RALGPS2: variants seen among roughly 807,000 people sequenced by gnomAD.
RALGPS2 encodes Ral GEF with PH domain and SH3 binding motif 2.
A neutral mutation model predicts 86.8 loss-of-function variants in RALGPS2; 43 were observed. The observed-to-expected ratio is 0.50, with a 90% CI of 0.39 to 0.64. RALGPS2 has a LOEUF of 0.64. RALGPS2 is among the 30% of genes least tolerant of loss of function. The pLI, the probability that RALGPS2 is intolerant of heterozygous loss-of-function variation, is 0.00. For missense variants in RALGPS2, 536 were observed against 694.6 expected (o/e 0.77, Z 2.57); for synonymous variants, 243 against 231.3 (o/e 1.05, Z -0.46).
chr1:178,874,155 AT>A, intron 8 of RALGPS2, among the ~76,000 whole-genome samples: 1 of 152,240 alleles, frequency 6.6e-6, no homozygotes, highest in Non-Finnish European at 1.5e-5. Flanking sequence ...GTTCAAGGTA[AT>A]GGTTACTTCT....
chr1:178,894,070 C>A, intron 16 of RALGPS2, 46 bp downstream of exon 16: 1 of 1,132,150 alleles, frequency 8.8e-7, no homozygotes, highest in Non-Finnish European at 1.3e-6. Context: ...TAAAAATATG[C>A]AAATTTATAA....
intron 19 of RALGPS2, among the ~76,000 whole-genome samples, chr1:178,909,484 G>A (rs112321820): frequency 0.024 from 3,715 of 152,042 alleles, 149 homozygotes; most frequent in African/African-American, 0.085. Context: ...GTCATTGGTA[G>A]TTTGATAAGA....
intron 1 of RALGPS2, among the ~76,000 whole-genome samples, chr1:178,769,739 C>T (rs1652691196): frequency 6.6e-6 from 1 of 152,180 alleles, no homozygotes; most frequent in Non-Finnish European, 1.5e-5. Flanking sequence ...TGTAGCAGCT[C>T]TCCCCACGCA....
At chr1:178,810,324 T>C (rs1010358967) in intron 5 of RALGPS2, among the ~76,000 whole-genome samples, 1 of 152,014 alleles carries the variant, frequency 6.6e-6, no homozygotes, top group Non-Finnish European at 1.5e-5. Flanking sequence ...GAGGCAGAGG[T>C]TGCAGTTAGC....
intron 7 of RALGPS2, among the ~76,000 whole-genome samples, chr1:178,826,455 C>A (rs1655745707): frequency 6.6e-6 from 1 of 152,092 alleles, no homozygotes; most frequent in Non-Finnish European, 1.5e-5. Flanking sequence ...TACAAAAGAA[C>A]AAATACTGTA....
chr1:178,909,572 A>T (rs528400969), intron 19 of RALGPS2, among the ~76,000 whole-genome samples: 1 of 151,550 alleles, frequency 6.6e-6, no homozygotes, highest in Non-Finnish European at 1.5e-5. Flanking sequence ...TGAGCATGGA[A>T]TGCTTTTCCA....
chr1:178,894,705 A>G (rs1659865829), intron 16 of RALGPS2, among the ~76,000 whole-genome samples: 1 of 152,108 alleles, frequency 6.6e-6, no homozygotes, highest in African/African-American at 2.4e-5. Flanking sequence ...AACTGAAACC[A>G]CAGATAAGAG....
intron 13 of RALGPS2, among the ~76,000 whole-genome samples, chr1:178,887,686 A>G (rs1294615143): frequency 1.3e-5 from 2 of 152,200 alleles, no homozygotes; most frequent in Non-Finnish European, 2.9e-5. Flanking sequence ...ATTATTTCAG[A>G]GCTCTCCATT....
chr1:178,860,332 A>C (rs1657915139), intron 8 of RALGPS2, among the ~76,000 whole-genome samples: 1 of 152,156 alleles, frequency 6.6e-6, no homozygotes, highest in South Asian at 2.1e-4. Flanking sequence ...TGTTTGAAAA[A>C]TGTTTTTTAT....
Position 178,843,654 on chromosome 1 carries a change from TAAAAA to T in RALGPS2, c.607+10113_607+10117del, listed in dbSNP as rs564673535. On this transcript the variant is annotated intron_variant, in intron 8 of 19. Transcript: ENST00000367635. Reference sequence around the variant, plus strand: ...TGTACCCTAAAACTTAAAGTATAATTAAAAAAAAAAAAAGAAAGAAAGAAACCAAA... The same window carrying T: ...TGTACCCTAAAACTTAAAGTATAATTAAAAAAAAGAAAGAAAGAAACCAAA... Among the ~76,000 whole-genome samples, 5 of 115,376 alleles carry T rather than the reference TAAAAA, an allele frequency of 4.3e-5. No individual in the cohort carries two copies. The Admixed American group carries it at 4.4e-4, about 10-fold the overall frequency. The allele number at this position is 115,376 out of a possible 152,430, so 75.7% of individuals were successfully genotyped here.
At chr1:178,865,340 T>C (rs776610507) in intron 8 of RALGPS2, 6 of 1,613,982 alleles carry the variant, frequency 3.7e-6, no homozygotes, top group African/African-American at 1.3e-5. Context: ...AAGTGAATTA[T>C]CCCTCTTACG....
At chr1:178,892,129 C>A in intron 14 of RALGPS2, 101 bp from the exon 15 acceptor site, 3 of 1,024,832 alleles carry the variant, frequency 2.9e-6, no homozygotes, top group Admixed American at 2.1e-5. Flanking sequence ...ATTTAGAAAG[C>A]TATATTACAA....
At chr1:178,775,609 TC>T (rs1319975150) in intron 1 of RALGPS2, among the ~76,000 whole-genome samples, 2 of 152,150 alleles carry the variant, frequency 1.3e-5, no homozygotes, top group African/African-American at 4.8e-5. Flanking sequence ...TACTCTGACT[TC>T]CAGTAAAGTG....
At chr1:178,869,983 A>G (rs1474735585) in intron 8 of RALGPS2, among the ~76,000 whole-genome samples, 1 of 152,116 alleles carries the variant, frequency 6.6e-6, no homozygotes, top group Non-Finnish European at 1.5e-5. Flanking sequence ...ATTTAATTAC[A>G]TCTTCTGGGT....
intron 8 of RALGPS2, among the ~76,000 whole-genome samples, chr1:178,836,020 C>G (rs1471277139): frequency 6.6e-6 from 1 of 152,052 alleles, no homozygotes; most frequent in African/African-American, 2.4e-5. Flanking sequence ...TAGTTGGGGA[C>G]CTTCTTGTAC....
At position 178,778,795 on chromosome 1, in the gene RALGPS2, C is replaced by T. The variant is rs553997103; in HGVS notation, c.57+1974C>T. Reference sequence around the variant, plus strand: ...CATTCTCAGTAAACTATCGCAAGAACAAAAAACCAAACACCGCATATTCTC... The same window carrying T: ...CATTCTCAGTAAACTATCGCAAGAATAAAAAACCAAACACCGCATATTCTC... On this transcript the variant is annotated intron_variant, in intron 2 of 19. Transcript: ENST00000367635. Among the ~76,000 whole-genome samples the T allele has an allele frequency of 4.1e-3, 617 of 151,236 alleles. 6 individuals carry two copies. Among genetic ancestry groups the T allele is most frequent in the Non-Finnish European group, 4.3e-3 (294 of 67,812 alleles).
Position 178,906,782 on chromosome 1 carries a change from C to G in RALGPS2, c.1637C>G (p.Ser546Trp). ...FLLTDSEKGNSYKFQAGNRMN... is the reference protein window; with the variant it reads ...FLLTDSEKGNWYKFQAGNRMN... ...TTATTTTGGATAATTTTAGGAAATTCGTACAAGTTTCAAGCTGGCAATAGA... is the reference window on the plus strand; with the variant it reads ...TTATTTTGGATAATTTTAGGAAATTGGTACAAGTTTCAAGCTGGCAATAGA... The change falls in exon 19 of 20, where the codon TCG becomes TGG. Residue 546 changes from serine to tryptophan, a missense_variant. Ser to Trp is a radical substitution (Grantham distance 177). Transcript: ENST00000367635. The G allele has an allele frequency of 6.2e-7, 1 of 1,608,634 alleles. No homozygotes were observed. The highest frequency in any genetic ancestry group is 8.5e-7 in the Non-Finnish European group (1 of 1,178,226).
Position 178,920,595 on chromosome 1 carries a change from C to A in RALGPS2, c.*4236C>A, listed in dbSNP as rs1404175723. ...AACAAGCTCCTACCCTGCTTCTATCCTTTTAGAGTAGGAGATTAAAAATAA... is the reference window on the plus strand; with the variant it reads ...AACAAGCTCCTACCCTGCTTCTATCATTTTAGAGTAGGAGATTAAAAATAA... On this transcript the variant is annotated 3_prime_UTR_variant, in exon 20 of 20. Coordinates refer to ENST00000367635, the MANE Select transcript of RALGPS2 (RefSeq NM_152663.5). 6.6e-6 allele frequency: 1 copy of A among 151,872 alleles called. No homozygotes were observed. The highest frequency in any genetic ancestry group is 1.5e-5 in the Non-Finnish European group (1 of 67,876). The allele number at this position is 151,872 out of a possible 1,614,324, so 9.4% of individuals were successfully genotyped here.
intron 1 of RALGPS2, among the ~76,000 whole-genome samples, chr1:178,746,337 A>G (rs548884666): frequency 6.6e-6 from 1 of 152,140 alleles, no homozygotes; most frequent in Admixed American, 6.6e-5. Context: ...CCTTATATAT[A>G]TTTTTTTATT....
Sources: gnomAD v4.1 joint callset for allele counts (sites outside exome capture counted in the v4.1 genomes callset) on GRCh38, gnomAD v4.1.1 for gene constraint, MANE v1.5 for transcripts, NCBI Gene and HGNC (gene_info 2026-07-23, HGNC 2026-07-21) for gene names.